DOCK9: variants seen among roughly 807,000 people sequenced by gnomAD.
DOCK9 encodes the protein dedicator of cytokinesis 9.
A neutral mutation model predicts 263.3 loss-of-function variants in DOCK9; 89 were observed. That is an observed-to-expected ratio of 0.34 (90% confidence interval 0.28 to 0.40). The LOEUF is 0.40. DOCK9 is among the 10% of genes least tolerant of loss of function. The pLI, the probability that DOCK9 is intolerant of heterozygous loss-of-function variation, is 1.00. For synonymous variants in DOCK9, 976 were observed against 973.1 expected, an observed-to-expected ratio of 1.00 and a Z score of -0.06; for missense variants, 2,140 against 2,603.4, an observed-to-expected ratio of 0.82 and a Z score of 3.87.
chr13:98,818,420 A>C (rs2092044391), intron 45 of DOCK9, among the ~76,000 whole-genome samples: 1 of 152,168 alleles, frequency 6.6e-6, no homozygotes, highest in Non-Finnish European at 1.5e-5. Context: ...AATTCTCAGC[A>C]ATCATTGCAC....
intron 1 of DOCK9, among the ~76,000 whole-genome samples, chr13:99,068,014 C>T (rs1289165433): frequency 6.6e-6 from 1 of 152,082 alleles, no homozygotes; most frequent in African/African-American, 2.4e-5. Context: ...CCCCAGTACC[C>T]CACATGTGGT....
rs1277299161 is a variant in DOCK9 at position 98,829,115 on chromosome 13, C to T, written c.4965+192G>A. Among the ~76,000 whole-genome samples, 1 of 152,182 alleles carries T rather than the reference C, an allele frequency of 6.6e-6. No individual in the cohort carries two copies. Among genetic ancestry groups the T allele is most frequent in the African/African-American group, 2.4e-5 (1 of 41,446 alleles). The stretch of plus-strand genomic sequence containing the variant: ...CTTTGTTGACAAAAATAACCCCTTA[C>T]AATTTGTTTTAAATTATTAAAATGC... On this transcript the variant is annotated intron_variant, in intron 43 of 52. Transcript: ENST00000682017. This position sits in a 1 kb window ranked among gnomAD's most constrained non-coding sequence, Gnocchi z 4.1.
At chr13:98,940,916 T>C (rs770434355) in intron 2 of DOCK9, among the ~76,000 whole-genome samples, 10 of 152,220 alleles carry the variant, frequency 6.6e-5, no homozygotes, top group Admixed American at 1.3e-4. Context: ...GATAGCATCA[T>C]GCCTCAGCTG....
chr13:98,968,375 C>T (rs926354935), intron 1 of DOCK9, among the ~76,000 whole-genome samples: 3 of 152,074 alleles, frequency 2.0e-5, no homozygotes, highest in Non-Finnish European at 2.9e-5. Flanking sequence ...AATCCCAGCA[C>T]TTTGGGAAGC....
At chr13:98,833,433 A>C (rs1404314743) in intron 39 of DOCK9, among the ~76,000 whole-genome samples, 2 of 152,106 alleles carry the variant, frequency 1.3e-5, no homozygotes, top group Non-Finnish European at 2.9e-5. Context: ...AAAAATTCCC[A>C]AGCTTCCAAG....
At chr13:98,898,285 A>C in intron 13 of DOCK9, 24 bp from the exon 14 acceptor site, 1 of 1,579,012 alleles carries the variant, frequency 6.3e-7, no homozygotes, top group Non-Finnish European at 8.7e-7. Flanking sequence ...GAATAAAGCT[A>C]TGAGATACTG....
At chr13:99,066,789 A>G (rs1275987847) in intron 1 of DOCK9, among the ~76,000 whole-genome samples, 4 of 152,148 alleles carry the variant, frequency 2.6e-5, no homozygotes, top group African/African-American at 9.7e-5. Context: ...AAAACTAAAA[A>G]GCCTCCCATC....
At chr13:99,068,671 TAAAAA>T (rs200841453) in intron 1 of DOCK9, among the ~76,000 whole-genome samples, 18 of 147,132 alleles carry the variant, frequency 1.2e-4, no homozygotes, top group Non-Finnish European at 2.1e-4. Flanking sequence ...TCCTTCAGTT[TAAAAA>T]AAAAAAATCA....
At chr13:98,938,350 T>G (rs2055249915) in intron 2 of DOCK9, among the ~76,000 whole-genome samples, 1 of 152,236 alleles carries the variant, frequency 6.6e-6, no homozygotes, top group Non-Finnish European at 1.5e-5. Flanking sequence ...TTGGGGGATA[T>G]TTGAACTTTC....
rs2092660434 is a variant in DOCK9 at position 98,829,067 on chromosome 13, G to A, written c.4965+240C>T. 6.6e-6 allele frequency among the ~76,000 whole-genome samples: 1 copy of A among 152,094 alleles called. No individual in the cohort carries two copies. The highest frequency in any genetic ancestry group is 2.1e-4 in the South Asian group (1 of 4,832). The stretch of plus-strand genomic sequence containing the variant: ...TAATTAGCAGGAGACTGTATGAATA[G>A]GTTTAAGAGCTTAAACAATGCTCTT... On this transcript the variant is annotated intron_variant, in intron 43 of 52. Transcript: ENST00000682017. The surrounding 1 kb of genome is among the most constrained non-coding windows in gnomAD (Gnocchi z 4.1).
intron 34 of DOCK9, among the ~76,000 whole-genome samples, chr13:98,855,453 T>A (rs2093684205): frequency 6.6e-6 from 1 of 152,130 alleles, no homozygotes; most frequent in Admixed American, 6.5e-5. Flanking sequence ...GTGCCTGTGG[T>A]CCCAGCTGCT....
At chr13:99,019,163 A>G (rs1259457613) in intron 1 of DOCK9, among the ~76,000 whole-genome samples, 1 of 152,200 alleles carries the variant, frequency 6.6e-6, no homozygotes, top group Non-Finnish European at 1.5e-5. Flanking sequence ...CTGAAAGGAA[A>G]TTTCCAGAAC....
chr13:98,921,899 G>A (rs901085219), intron 6 of DOCK9, among the ~76,000 whole-genome samples, 152 bp downstream of exon 6: 2 of 152,206 alleles, frequency 1.3e-5, no homozygotes, highest in Admixed American at 6.5e-5. Flanking sequence ...CTGTGCCAAT[G>A]GGGGTGCTAT....
At chr13:98,970,343 G>A (rs1421961250) in intron 1 of DOCK9, among the ~76,000 whole-genome samples, 1 of 152,110 alleles carries the variant, frequency 6.6e-6, no homozygotes, top group Non-Finnish European at 1.5e-5. Flanking sequence ...ATGCAGCATG[G>A]CTCAGTGTAA....
Position 98,885,960 on chromosome 13 carries a change from A to C in DOCK9, c.2137-129T>G, listed in dbSNP as rs2045632575. 3.9e-6 allele frequency: 3 copies of C among 763,550 alleles called. No individual in the cohort carries two copies. In the South Asian group the frequency reaches 7.7e-5, roughly 20 times the overall value. The allele number at this position is 763,550 out of a possible 1,614,324, so 47.3% of individuals were successfully genotyped here. A position where few individuals can be genotyped will look rare whatever the true frequency, so the allele number is the denominator to read the frequency against. ...TCTCCGAGCGGATATTAACATTTGC[A>C]CTCAAAGATACTGAGACTATAAATT... On this transcript the variant is annotated intron_variant, in intron 19 of 52. Coordinates refer to ENST00000682017, the MANE Select transcript of DOCK9 (RefSeq NM_001366683.2).
intron 1 of DOCK9, chr13:99,015,459 G>C (rs771177929): frequency 1.0e-5 from 16 of 1,594,864 alleles, no homozygotes; most frequent in Non-Finnish European, 1.4e-5. Context: ...GCCAGGAGGA[G>C]ATCAATAGTT....
At chr13:99,086,990 G>A (rs948821610), upstream of DOCK9, among the ~76,000 whole-genome samples, 2 of 152,154 alleles carry the variant, frequency 1.3e-5, no homozygotes, top group African/African-American at 4.8e-5. Context: ...CAGGGAGCCC[G>A]GCTGCGCTCG....
chr13:99,006,348 A>G (rs966484297), intron 1 of DOCK9, among the ~76,000 whole-genome samples: 3 of 152,224 alleles, frequency 2.0e-5, no homozygotes, highest in African/African-American at 7.2e-5. Context: ...TCGCAAGTTC[A>G]CTTTTATAAA....
Position 98,989,363 on chromosome 13 carries a change from T to C in DOCK9, c.130-33812A>G, listed in dbSNP as rs1290235417. On this transcript the variant is annotated intron_variant, in intron 1 of 32. Coordinates refer to the DOCK9 transcript ENST00000427887. Reference sequence around the variant, plus strand: ...ATGATGATGATAATAATAATAATAATAATAATAATAATAATGATAATACAG... The same window carrying C: ...ATGATGATGATAATAATAATAATAACAATAATAATAATAATGATAATACAG... Among the ~76,000 whole-genome samples, 19 of 136,076 alleles carry C rather than the reference T, an allele frequency of 1.4e-4. 1 individual carries two copies. Among genetic ancestry groups the C allele is most frequent in the East Asian group, 1.2e-3 (6 of 5,040 alleles). 89.3% of individuals were successfully genotyped at this position (136,076 alleles called of 152,430 possible). A position where few individuals can be genotyped will look rare whatever the true frequency, so the allele number is the denominator to read the frequency against.
Sources: gnomAD v4.1 joint callset for allele counts (sites outside exome capture counted in the v4.1 genomes callset) on GRCh38, gnomAD v4.1.1 for gene constraint, Gnocchi (gnomAD v3.1) non-coding constraint, MANE v1.5 for transcripts, NCBI Gene and HGNC (gene_info 2026-07-23, HGNC 2026-07-21) for gene names.